Variants in PRKN observed in about 807,000 individuals in gnomAD.
PRKN encodes the protein E3 ubiquitin-protein ligase parkin.
In PRKN, 56 loss-of-function variants were observed where a neutral mutation model predicts 59.5. That is an observed-to-expected ratio of 0.94 (90% CI 0.76 to 1.18). The LOEUF is 1.18. PRKN is among the 50% of genes most tolerant of loss of function. The pLI is 0.00. For missense variants in PRKN, 657 were observed against 596.4 expected (o/e 1.10, Z -1.06); for synonymous variants, 250 against 222.1 (o/e 1.13, Z -1.12).
In PRKN at chr6:162,387,579, G is replaced by A. The variant is rs971355765; in HGVS notation, c.171+55731C>T. 4.7e-5 allele frequency among the ~76,000 whole-genome samples: 7 copies of A among 150,434 alleles called. No individual in the cohort carries two copies. The South Asian group carries it at 1.5e-3, about 32-fold the overall frequency. On this transcript the variant is annotated intron_variant, in intron 2 of 11. Transcript: ENST00000366898. ...ACAGAGAGAGAGAGAGAGAGAGAGA[G>A]AGAGAGAGAGAGAGAGAGAGAGAGA...
At chr6:162,146,681 T>C (rs1490308142) in intron 4 of PRKN, among the ~76,000 whole-genome samples, 1 of 151,908 alleles carries the variant, frequency 6.6e-6, no homozygotes, top group Non-Finnish European at 1.5e-5. Context: ...ATTTTTGTGT[T>C]TTTAGTAGAT....
chr6:161,412,956 G>T (rs778314129), intron 9 of PRKN, among the ~76,000 whole-genome samples: 1 of 152,172 alleles, frequency 6.6e-6, no homozygotes, highest in Non-Finnish European at 1.5e-5. Flanking sequence ...AGCTATGCAC[G>T]TGTCCCTGTG....
chr6:161,360,241 C>T lies in PRKN; in HGVS notation c.1168-36G>A, dbSNP rs1316769836. The stretch of plus-strand genomic sequence containing the variant: ...AAAGAGGAAAGGCGTTTAATCTCAG[C>T]TTTCTATTACTGGGATCAGAGTTTA... On this transcript the variant is annotated intron_variant, in intron 10 of 11. Coordinates refer to ENST00000366898, the MANE Select transcript of PRKN (RefSeq NM_004562.3). The surrounding 1 kb of genome is among the most constrained non-coding windows in gnomAD (Gnocchi z 5.1). 1.4e-6 allele frequency: 2 copies of T among 1,451,278 alleles called. No individual in the cohort carries two copies. The highest frequency in any genetic ancestry group is 1.9e-6 in the Non-Finnish European group (2 of 1,030,896). 89.9% of individuals were successfully genotyped at this position (1,451,278 alleles called of 1,614,324 possible).
intron 9 of PRKN, among the ~76,000 whole-genome samples, chr6:161,508,826 A>C (rs1015139658): frequency 6.6e-6 from 1 of 151,404 alleles, no homozygotes; most frequent in African/African-American, 2.4e-5. Flanking sequence ...AAAGTTTCAC[A>C]GTTCTTGAGT....
At chr6:162,524,808 A>T (rs549119213) in intron 1 of PRKN, among the ~76,000 whole-genome samples, 1 of 152,326 alleles carries the variant, frequency 6.6e-6, no homozygotes, top group African/African-American at 2.4e-5. Flanking sequence ...TCTTTTAAGC[A>T]GACAGTATAA....
chr6:161,864,533 T>C (rs7743756), intron 6 of PRKN, among the ~76,000 whole-genome samples: 10,843 of 152,238 alleles, frequency 0.071, 1,294 homozygotes, highest in African/African-American at 0.25. Context: ...AACCAACTTT[T>C]TCAAAGCTCC....
At chr6:162,550,055 T>C (rs1779275865) in intron 1 of PRKN, among the ~76,000 whole-genome samples, 1 of 152,196 alleles carries the variant, frequency 6.6e-6, no homozygotes, top group Non-Finnish European at 1.5e-5. Context: ...AAATTTCAGT[T>C]GGTGGTTCCT....
At position 161,957,048 on chromosome 6, in the gene PRKN, T is replaced by C. The variant is rs560513503; in HGVS notation, c.734+16254A>G. The stretch of plus-strand genomic sequence containing the variant: ...ACACCCGCTGGAAGACCAGCCATCA[T>C]CACTCAAGTCTGCAGCCAGCTGCCC... On this transcript the variant is annotated intron_variant, in intron 6 of 11. Transcript: ENST00000366898. Among the ~76,000 whole-genome samples, 6 of 152,310 alleles carry C rather than the reference T, an allele frequency of 3.9e-5. No homozygotes were observed. In the East Asian group the frequency reaches 7.7e-4, roughly 20 times the overall value.
At chr6:162,274,800 G>C (rs1780550173) in intron 2 of PRKN, among the ~76,000 whole-genome samples, 1 of 152,062 alleles carries the variant, frequency 6.6e-6, no homozygotes. Flanking sequence ...TTATATTTGT[G>C]GCCAGGCACA....
At chr6:162,246,518 T>C (rs1196590253) in intron 3 of PRKN, among the ~76,000 whole-genome samples, 2 of 152,224 alleles carry the variant, frequency 1.3e-5, no homozygotes, top group Non-Finnish European at 2.9e-5. Flanking sequence ...CTTCAAGTGT[T>C]CTAGATTTTT....
intron 2 of PRKN, among the ~76,000 whole-genome samples, chr6:162,283,691 T>C (rs144186993): frequency 0.016 from 2,482 of 152,310 alleles, 81 homozygotes; most frequent in African/African-American, 0.057. Flanking sequence ...CAGCTAATTT[T>C]TGTATTTTTA....
rs553714793 is a variant in PRKN, at chr6:162,665,596, T to C, written c.7+62066A>G. Among the ~76,000 whole-genome samples the C allele has an allele frequency of 7.2e-5, 11 of 152,188 alleles. No homozygotes were observed. The East Asian group carries it at 1.7e-3, about 24-fold the overall frequency. ...ATAGGAACAATCAATATTGTGAAAA[T>C]GGCCATACTTCCCAAAGTAATTTAT... On this transcript the variant is annotated intron_variant, in intron 1 of 11. Transcript: ENST00000366898.
At chr6:162,136,063 T>C (rs910723923) in intron 4 of PRKN, among the ~76,000 whole-genome samples, 1 of 151,124 alleles carries the variant, frequency 6.6e-6, no homozygotes, top group South Asian at 2.1e-4. Flanking sequence ...AGAAACATGT[T>C]CTACTTTCTA....
At chr6:161,789,552 G>A (rs1407462167) in intron 6 of PRKN, among the ~76,000 whole-genome samples, 1 of 152,128 alleles carries the variant, frequency 6.6e-6, no homozygotes, top group African/African-American at 2.4e-5. Context: ...CAAGACTAAA[G>A]ATCTCCAAGG....
rs1784518610 is a variant in PRKN at position 161,350,948 on chromosome 6, A to C, written c.1286-737T>G. Among the ~76,000 whole-genome samples, 3 of 76,194 alleles carry C rather than the reference A, an allele frequency of 3.9e-5. No homozygotes were observed. In the South Asian group the frequency reaches 1.6e-3, roughly 41 times the overall value. The allele number at this position is 76,194 out of a possible 152,430, so 50.0% of individuals were successfully genotyped here. ...TTTAAAATATATATAAATATATTTT[A>C]TATATTTATATTTAAAATATATATA... On this transcript the variant is annotated intron_variant, in intron 11 of 11. Coordinates refer to ENST00000366898, the MANE Select transcript of PRKN (RefSeq NM_004562.3).
chr6:161,763,347 G>A (rs1789282682), intron 7 of PRKN, among the ~76,000 whole-genome samples: 1 of 152,068 alleles, frequency 6.6e-6, no homozygotes, highest in Non-Finnish European at 1.5e-5. Flanking sequence ...CAATGGTTCT[G>A]TTGCCCCCGA....
chr6:162,614,076 G>C (rs1782299182), intron 1 of PRKN, among the ~76,000 whole-genome samples: 1 of 152,126 alleles, frequency 6.6e-6, no homozygotes, highest in African/African-American at 2.4e-5. Flanking sequence ...ATTATTTCTT[G>C]CATTTATAAA....
At chr6:161,682,960 A>T (rs553039843) in intron 7 of PRKN, among the ~76,000 whole-genome samples, 1 of 152,292 alleles carries the variant, frequency 6.6e-6, no homozygotes, top group African/African-American at 2.4e-5. Flanking sequence ...CACGGAAAGG[A>T]CAACTGTAAG....
At chr6:162,587,311 T>G (rs1205315750) in intron 1 of PRKN, among the ~76,000 whole-genome samples, 1 of 152,060 alleles carries the variant, frequency 6.6e-6, no homozygotes, top group Non-Finnish European at 1.5e-5. Flanking sequence ...AATTTTTGTG[T>G]TTTTAGTAGA....
Sources: gnomAD v4.1 joint callset for allele counts (sites outside exome capture counted in the v4.1 genomes callset) on GRCh38, gnomAD v4.1.1 for gene constraint, Gnocchi (gnomAD v3.1) non-coding constraint, MANE v1.5 for transcripts, NCBI Gene and HGNC (gene_info 2026-07-23, HGNC 2026-07-21) for gene names.